The following CADPS2 variants were observed in gnomAD, a reference collection of about 807,000 sequenced individuals.
CADPS2 encodes calcium-dependent secretion activator 2.
CADPS2 carries 93 observed loss-of-function variants against 172.5 expected under a neutral mutation model. The ratio of observed to expected loss-of-function variants is 0.54; its 90% CI spans 0.46 to 0.64. The LOEUF (loss-of-function observed/expected upper bound fraction) is 0.64, where lower values mean the gene tolerates loss of function less well. CADPS2 is among the 30% of genes least tolerant of loss of function. CADPS2 has a pLI of 0.00. For synonymous variants in CADPS2, 546 were observed against 555.2 expected (o/e 0.98, Z 0.23); for missense variants, 1,420 against 1,565.9 (o/e 0.91, Z 1.57).
At position 122,754,256 on chromosome 7, in the gene CADPS2, C is replaced by T. The variant is rs534770121; in HGVS notation, c.340-17188G>A. 1.6e-4 allele frequency among the ~76,000 whole-genome samples: 24 copies of T among 152,190 alleles called. No individual in the cohort carries two copies. In the East Asian group the frequency reaches 4.4e-3, roughly 28 times the overall value. On this transcript the variant is annotated intron_variant, in intron 1 of 29. Coordinates refer to ENST00000449022, the MANE Select transcript of CADPS2 (RefSeq NM_017954.11). ...TACTAATTTTTCTTATTATTAGATTCTTAAATTTTAAATTTTATCAGTTGG... is the reference window on the plus strand; with the variant it reads ...TACTAATTTTTCTTATTATTAGATTTTTAAATTTTAAATTTTATCAGTTGG...
chr7:122,603,228 GCTTA>G (rs906566161), intron 6 of CADPS2, among the ~76,000 whole-genome samples: 9 of 152,012 alleles, frequency 5.9e-5, no homozygotes, highest in African/African-American at 1.9e-4. Context: ...ATTATAAAGT[GCTTA>G]CCAAATAAAT....
rs1331718755 is a variant in CADPS2, at chr7:122,581,290, T to C, written c.1224A>G (p.Gln408=). The part of the protein sequence containing the change: ...QTDQAEASRP[Q]WGTQGDFTTT... ...TGGTGAAATCTCCTTGAGTCCCCCA[T>C]CTGTAATGAAGTAAAAAAAATGTTT... The change falls in exon 7 of 30, where the codon CAA becomes CAG. Residue 408 remains glutamine (Q), a splice_region_variant and synonymous_variant. Coordinates refer to ENST00000449022, the MANE Select transcript of CADPS2 (RefSeq NM_017954.11). 1 of 1,610,556 alleles carries C rather than the reference T, an allele frequency of 6.2e-7. No homozygotes were observed. The highest frequency in any genetic ancestry group is 8.5e-7 in the Non-Finnish European group (1 of 1,177,146).
chr7:122,343,007 C>T (rs539533553), intron 28 of CADPS2, among the ~76,000 whole-genome samples: 1 of 152,232 alleles, frequency 6.6e-6, no homozygotes, highest in South Asian at 2.1e-4. Context: ...CAGTAATGAT[C>T]TGTTGCTTAA....
At position 122,866,211 on chromosome 7, in the gene CADPS2, C is replaced by T. The variant is rs1818276881; in HGVS notation, c.339+19788G>A. Among the ~76,000 whole-genome samples, 3 of 152,186 alleles carry T rather than the reference C, an allele frequency of 2.0e-5. No individual in the cohort carries two copies. The South Asian group carries it at 6.2e-4, about 32-fold the overall frequency. ...CTCAAAATAGCACAGTTTCACCCTACTGCATTTATAAACTTAAATAATATT... is the reference window on the plus strand; with the variant it reads ...CTCAAAATAGCACAGTTTCACCCTATTGCATTTATAAACTTAAATAATATT... On this transcript the variant is annotated intron_variant, in intron 1 of 29. Transcript: ENST00000449022.
At position 122,438,328 on chromosome 7, in the gene CADPS2, T is replaced by C; in HGVS notation, c.2476+13A>G. 6.2e-7 allele frequency: 1 copy of C among 1,612,692 alleles called. No homozygotes were observed. The highest frequency in any genetic ancestry group is 8.5e-7 in the Non-Finnish European group (1 of 1,178,968). ...CTCTCACTGCCACTTCGACAATTGC[T>C]CACTGCACTGACCTTCTATTTTGGC... On this transcript the variant is annotated intron_variant, in intron 17 of 29. Coordinates refer to ENST00000449022, the MANE Select transcript of CADPS2 (RefSeq NM_017954.11).
chr7:122,830,422 A>C (rs2140567422), intron 1 of CADPS2, among the ~76,000 whole-genome samples: 1 of 152,324 alleles, frequency 6.6e-6, no homozygotes, highest in Non-Finnish European at 1.5e-5. Context: ...AAGGATGCAA[A>C]TCTCACTGAT....
chr7:122,444,801 G>T (rs900871567), intron 15 of CADPS2, among the ~76,000 whole-genome samples: 4 of 152,054 alleles, frequency 2.6e-5, no homozygotes, highest in Non-Finnish European at 5.9e-5. Context: ...CAATTTTGAG[G>T]AAGTTCAATG....
chr7:122,648,508 G>A (rs1181576421), intron 3 of CADPS2, among the ~76,000 whole-genome samples: 1 of 151,980 alleles, frequency 6.6e-6, no homozygotes, highest in Non-Finnish European at 1.5e-5. Context: ...CACAAGAAGA[G>A]GAACCGTCAT....
intron 1 of CADPS2, among the ~76,000 whole-genome samples, chr7:122,869,050 A>T (rs1446141354): frequency 1.3e-5 from 2 of 152,096 alleles, no homozygotes; most frequent in Non-Finnish European, 2.9e-5. Flanking sequence ...AGATAACCTA[A>T]GGGAATTATG....
chr7:122,544,215 T>C (rs965269543), intron 8 of CADPS2, among the ~76,000 whole-genome samples: 12 of 152,118 alleles, frequency 7.9e-5, no homozygotes, highest in South Asian at 2.1e-4. Context: ...GTACAGTATG[T>C]TTGTAGCAAG....
chr7:122,448,939 T>TA (rs1157419047), intron 15 of CADPS2, among the ~76,000 whole-genome samples: 1 of 151,462 alleles, frequency 6.6e-6, no homozygotes, highest in Non-Finnish European at 1.5e-5. Context: ...AAAAAAAAAA[T>TA]AAAAAAATTA....
intron 2 of CADPS2, among the ~76,000 whole-genome samples, chr7:122,723,570 A>G (rs1036744482): frequency 9.2e-5 from 14 of 152,194 alleles, no homozygotes; most frequent in African/African-American, 3.1e-4. Flanking sequence ...ACACTTTCAC[A>G]CTGCTGGTGG....
At chr7:122,566,434 G>A (rs950120159) in intron 7 of CADPS2, among the ~76,000 whole-genome samples, 1 of 152,090 alleles carries the variant, frequency 6.6e-6, no homozygotes, top group Admixed American at 6.6e-5. Context: ...CAAAGGAAAT[G>A]AAATCTGTAT....
At chr7:122,571,471 T>A (rs187426815) in intron 7 of CADPS2, among the ~76,000 whole-genome samples, 71 of 152,208 alleles carry the variant, frequency 4.7e-4, no homozygotes, top group African/African-American at 1.6e-3. Flanking sequence ...CCCCTGTAAG[T>A]GGTGATAAGG....
rs191165987 is a variant in CADPS2 at position 122,588,285 on chromosome 7, C to T, written c.1224-6995G>A. On this transcript the variant is annotated intron_variant, in intron 6 of 29. Transcript: ENST00000449022. Reference sequence around the variant, plus strand: ...GTCAATTTTATCATGAAATCTTTGCCTAAATGGTATTGCCTACATTTTCTT... The same window carrying T: ...GTCAATTTTATCATGAAATCTTTGCTTAAATGGTATTGCCTACATTTTCTT... Among the ~76,000 whole-genome samples the T allele has an allele frequency of 1.2e-4, 18 of 152,086 alleles. No individual in the cohort carries two copies. The East Asian group carries it at 3.5e-3, about 29-fold the overall frequency.
intron 7 of CADPS2, among the ~76,000 whole-genome samples, chr7:122,580,918 C>G (rs2068723732): frequency 6.6e-6 from 1 of 152,108 alleles, no homozygotes; most frequent in South Asian, 2.1e-4. Flanking sequence ...CAGTGGAGCA[C>G]ATGTGTGAGA....
At chr7:122,755,092 T>C (rs2093103925) in intron 1 of CADPS2, among the ~76,000 whole-genome samples, 1 of 152,156 alleles carries the variant, frequency 6.6e-6, no homozygotes, top group African/African-American at 2.4e-5. Flanking sequence ...CTTCAGATAA[T>C]AGTAACAAAT....
chr7:122,517,796 T>C (rs2060488568), intron 8 of CADPS2, among the ~76,000 whole-genome samples: 1 of 151,998 alleles, frequency 6.6e-6, no homozygotes, highest in African/African-American at 2.4e-5. Context: ...GTAATCTTTT[T>C]ACCTCAGAAG....
At chr7:122,834,733 G>C (rs1002186566) in intron 1 of CADPS2, among the ~76,000 whole-genome samples, 1 of 152,210 alleles carries the variant, frequency 6.6e-6, no homozygotes, top group East Asian at 1.9e-4. Context: ...CAGCGAGGCT[G>C]GGGGAGGGGC....
Sources: gnomAD v4.1 joint callset for allele counts (sites outside exome capture counted in the v4.1 genomes callset) on GRCh38, gnomAD v4.1.1 for gene constraint, MANE v1.5 for transcripts, NCBI Gene and HGNC (gene_info 2026-07-23, HGNC 2026-07-21) for gene names.